ARHGAP26: variants seen among roughly 807,000 people sequenced by gnomAD.
ARHGAP26 encodes Rho GTPase activating protein 26.
ARHGAP26 carries 38 observed loss-of-function variants against 104.8 expected under a neutral mutation model. The observed-to-expected ratio is 0.36, with a 90% CI of 0.28 to 0.48. ARHGAP26 has a LOEUF of 0.48. Ranked by LOEUF, ARHGAP26 falls within the 20% of genes least tolerant of loss-of-function variation. The probability of loss-of-function intolerance (pLI) is 0.99; values close to 1 mark genes in which losing one functional copy is unlikely to be tolerated. For missense variants in ARHGAP26, 704 were observed against 947.9 expected (o/e 0.74, Z 3.38); for synonymous variants, 341 against 340.0 (o/e 1.00, Z -0.03).
At chr5:143,198,493 C>G (rs139871897) in intron 20 of ARHGAP26, among the ~76,000 whole-genome samples, 3 of 152,164 alleles carry the variant, frequency 2.0e-5, no homozygotes, top group Admixed American at 1.3e-4. Flanking sequence ...TTGTGAGCCA[C>G]GGTGCACAAT....
intron 19 of ARHGAP26, among the ~76,000 whole-genome samples, chr5:143,139,359 CTG>C (rs1229007948): frequency 1.3e-5 from 2 of 152,182 alleles, no homozygotes; most frequent in Non-Finnish European, 2.9e-5. Context: ...AGCAGTTACA[CTG>C]TCAGCAAATG....
intron 11 of ARHGAP26, among the ~76,000 whole-genome samples, chr5:142,940,025 A>G (rs989983356): frequency 6.6e-5 from 10 of 152,252 alleles, no homozygotes; most frequent in East Asian, 3.8e-4. Flanking sequence ...TTTCAATAGT[A>G]TGGAAAATGT....
intron 1 of ARHGAP26, among the ~76,000 whole-genome samples, chr5:142,801,136 T>G (rs1762002511): frequency 1.3e-5 from 2 of 152,228 alleles, no homozygotes; most frequent in South Asian, 4.1e-4. Context: ...TGATTGCTTT[T>G]TCTTTCTTTT....
chr5:142,777,597 C>G (rs1756589067), intron 1 of ARHGAP26, among the ~76,000 whole-genome samples: 1 of 152,172 alleles, frequency 6.6e-6, no homozygotes, highest in Middle Eastern at 3.2e-3. Context: ...CCTTCTGTTT[C>G]AAATTATATA....
chr5:143,133,911 T>C (rs1797636446), intron 18 of ARHGAP26, 56 bp from the exon 19 acceptor site: 1 of 1,533,364 alleles, frequency 6.5e-7, no homozygotes, highest in East Asian at 2.4e-5. Context: ...GCTTCAGGCC[T>C]GTTTTCTTCC....
In ARHGAP26 at chr5:142,864,915, G is replaced by T. The variant is rs1753996925; in HGVS notation, c.155-8485G>T. ...CAGCCAATGCGCGTCATACGCCTCT[G>T]AATTACCTTCCCCTTGCCCCGTGTG... On this transcript the variant is annotated intron_variant, in intron 1 of 22. Coordinates refer to ENST00000645722, the MANE Select transcript of ARHGAP26 (RefSeq NM_001135608.3). Among the ~76,000 whole-genome samples the T allele has an allele frequency of 3.9e-5, 6 of 152,332 alleles. No individual in the cohort carries two copies. In the South Asian group the frequency reaches 1.2e-3, roughly 32 times the overall value.
At chr5:142,906,962 G>A (rs78798867) in intron 8 of ARHGAP26, among the ~76,000 whole-genome samples, 2,257 of 152,136 alleles carry the variant, frequency 0.015, 62 homozygotes, top group African/African-American at 0.052. Context: ...GCTGACTAAT[G>A]CCTTCTTCCT....
intron 3 of ARHGAP26, among the ~76,000 whole-genome samples, chr5:142,878,346 T>C (rs1046244761): frequency 1.3e-5 from 2 of 152,204 alleles, no homozygotes; most frequent in Non-Finnish European, 2.9e-5. Context: ...ATGACGAAAT[T>C]AGAGCCCAGA....
intron 20 of ARHGAP26, among the ~76,000 whole-genome samples, chr5:143,175,102 C>T (rs1338540768): frequency 6.6e-6 from 1 of 152,162 alleles, no homozygotes; most frequent in African/African-American, 2.4e-5. Flanking sequence ...TAAAAGGAGC[C>T]CAAATGTTCT....
chr5:143,030,951 G>A (rs1781752616), intron 12 of ARHGAP26, among the ~76,000 whole-genome samples: 1 of 152,262 alleles, frequency 6.6e-6, no homozygotes, highest in African/African-American at 2.4e-5. Context: ...GTGCATCATA[G>A]TCTGAAAGAA....
At chr5:142,999,944 A>G (rs1236719208) in intron 11 of ARHGAP26, among the ~76,000 whole-genome samples, 2 of 152,190 alleles carry the variant, frequency 1.3e-5, no homozygotes, top group Non-Finnish European at 2.9e-5. Context: ...GAACCTAACT[A>G]AAAGACAGAA....
rs777992228 is a variant in ARHGAP26 at position 143,147,320 on chromosome 5, C to A, written c.1927C>A (p.Pro643Thr). 6.2e-7 allele frequency: 1 copy of A among 1,614,050 alleles called. No homozygotes were observed. The highest frequency in any genetic ancestry group is 8.5e-7 in the Non-Finnish European group (1 of 1,179,974). ...CCTTAATTCCAGCAGCAGCTTACAG[C>A]CCAACATGAACTCCAGTGACCCAGA... ...SILNSSSSLQ[P>T]NMNSSDPDLA... Residue 643 changes from proline to threonine, a missense_variant, in exon 20 of 23, where the codon CCC (proline) becomes ACC (threonine). Pro to Thr is a conservative substitution (Grantham distance 38). Transcript: ENST00000645722.
chr5:142,996,453 A>G lies in ARHGAP26; in HGVS notation c.1108-17627A>G, dbSNP rs113149440. 1.3e-4 allele frequency among the ~76,000 whole-genome samples: 20 copies of G among 152,336 alleles called. 1 individual carries two copies. The highest frequency in any genetic ancestry group is 4.8e-4 in the African/African-American group (20 of 41,572). ...GGTTGCAGTGAGCCAAGATCACGCC[A>G]CTGCACTCCAACCTGGGTGACAGAG... On this transcript the variant is annotated intron_variant, in intron 11 of 22. Transcript: ENST00000645722.
chr5:143,214,307 T>C (rs545570249), intron 22 of ARHGAP26, among the ~76,000 whole-genome samples: 7 of 152,262 alleles, frequency 4.6e-5, no homozygotes, highest in Admixed American at 2.6e-4. Flanking sequence ...AGTGGACTAG[T>C]GTAATCAGCT....
rs182657543 is a variant in ARHGAP26 at position 143,089,703 on chromosome 5, A to G, written c.1539-31285A>G. Among the ~76,000 whole-genome samples the G allele has an allele frequency of 1.1e-3, 172 of 152,262 alleles. 3 individuals are homozygous for G. Among genetic ancestry groups the G allele is most frequent in the Non-Finnish European group, 3.2e-4 (22 of 68,018 alleles). On this transcript the variant is annotated intron_variant, in intron 17 of 22. Transcript: ENST00000645722. ...GGTTGTAATAGATCTAGTTTATCCA[A>G]TCTACATTTTTATTAATTTTCACTC...
In ARHGAP26 at chr5:143,227,311, C is replaced by T. The variant is rs1399184874; in HGVS notation, c.*4865C>T. 2 of 230,486 alleles carry T rather than the reference C, an allele frequency of 8.7e-6. No homozygotes were observed. The highest frequency in any genetic ancestry group is 4.4e-5 in the African/African-American group (2 of 45,180). The allele number at this position is 230,486 out of a possible 1,614,324, so 14.3% of individuals were successfully genotyped here. A position where few individuals can be genotyped will look rare whatever the true frequency, so the allele number is the denominator to read the frequency against. Reference sequence around the variant, plus strand: ...TAAAAGGAATGACCTAGGTGTTCTGCCAAAGGAGTTATCTATCATCTCTGG... The same window carrying T: ...TAAAAGGAATGACCTAGGTGTTCTGTCAAAGGAGTTATCTATCATCTCTGG... On this transcript the variant is annotated 3_prime_UTR_variant, in exon 23 of 23. Transcript: ENST00000645722.
intron 20 of ARHGAP26, among the ~76,000 whole-genome samples, chr5:143,199,688 C>G (rs1457846617): frequency 6.6e-6 from 1 of 152,202 alleles, no homozygotes. Flanking sequence ...ATCCGAGGCT[C>G]AGCCCAGGCC....
chr5:143,014,115 G>A lies in ARHGAP26; in HGVS notation c.1143G>A (p.Gly381=). 5 of 1,614,162 alleles carry A rather than the reference G, an allele frequency of 3.1e-6. No individual in the cohort carries two copies. The highest frequency in any genetic ancestry group is 4.2e-6 in the Non-Finnish European group (5 of 1,179,996). Residue 381 remains glycine, a splice_region_variant and synonymous_variant, in exon 12 of 23, where the codon GGG becomes GGA. Transcript: ENST00000645722. The stretch of plus-strand genomic sequence containing the variant: ...CGAACAAAGACAGCCAGAGTGAAGG[G>A]AGTAAGTACGATGCTTGGGTAACCT... ...YNSNKDSQSE[G]TAQLDSIGFS...
chr5:143,181,630 A>G (rs1804390502), intron 20 of ARHGAP26, among the ~76,000 whole-genome samples: 2 of 152,250 alleles, frequency 1.3e-5, no homozygotes, highest in African/African-American at 2.4e-5. Context: ...ACAGAGTGAC[A>G]AACATTTATT....
Sources: gnomAD v4.1 joint callset for allele counts (sites outside exome capture counted in the v4.1 genomes callset) on GRCh38, gnomAD v4.1.1 for gene constraint, MANE v1.5 for transcripts, NCBI Gene and HGNC (gene_info 2026-07-23, HGNC 2026-07-21) for gene names.